Variants in CDK14 observed in about 807,000 individuals in gnomAD.
CDK14 encodes the protein cyclin dependent kinase 14.
In CDK14, 34 loss-of-function variants were observed where a neutral mutation model predicts 60.7. The ratio of observed to expected loss-of-function variants is 0.56; its 90% CI spans 0.43 to 0.75. The LOEUF (loss-of-function observed/expected upper bound fraction) is 0.75. Among genes scored for constraint, CDK14 ranks in the 30% least tolerant of loss-of-function variants. CDK14 has a pLI of 0.00. For synonymous variants in CDK14, 197 were observed against 203.7 expected (o/e 0.97, Z 0.28); for missense variants, 482 against 564.1 (o/e 0.85, Z 1.47).
intron 6 of CDK14, among the ~76,000 whole-genome samples, chr7:90,889,449 G>A (rs1029120198): frequency 1.3e-4 from 20 of 152,252 alleles, no homozygotes; most frequent in South Asian, 4.1e-4. Flanking sequence ...CAGGCTGCCC[G>A]TACATTTTGG....
chr7:90,960,737 G>A (rs1019181), intron 9 of CDK14, among the ~76,000 whole-genome samples: 24,517 of 152,012 alleles, frequency 0.16, 2,109 homozygotes, highest in Middle Eastern at 0.18. Context: ...TCTTTCTTGA[G>A]CCAAGGAAAT....
intron 8 of CDK14, among the ~76,000 whole-genome samples, chr7:90,945,463 T>C (rs932834628): frequency 6.6e-6 from 1 of 152,138 alleles, no homozygotes; most frequent in Non-Finnish European, 1.5e-5. Flanking sequence ...CTAGCAATAG[T>C]GTGGAAAATT....
intron 2 of CDK14, chr7:90,666,454 G>A (rs924276515): frequency 6.6e-6 from 1 of 152,208 alleles, no homozygotes; most frequent in Non-Finnish European, 1.5e-5. Flanking sequence ...TTTCCCGAAT[G>A]AGACATACTA....
rs945299025 is a variant in CDK14 at position 90,709,552 on chromosome 7, A to T, written c.124-17015A>T. On this transcript the variant is annotated intron_variant, in intron 2 of 14. Coordinates refer to ENST00000380050, the MANE Select transcript of CDK14 (RefSeq NM_001287135.2). ...TTGCCTTGACAGCATATGCACGGTT[A>T]CTTTGGCTGCAATGCTGCTGCAGAG... 21 of 1,613,144 alleles carry T rather than the reference A, an allele frequency of 1.3e-5. No individual in the cohort carries two copies. The African/African-American group carries it at 2.8e-4, about 22-fold the overall frequency.
At chr7:91,030,121 CAT>C (rs1170795713) in intron 10 of CDK14, among the ~76,000 whole-genome samples, 2 of 152,128 alleles carry the variant, frequency 1.3e-5, no homozygotes, top group African/African-American at 4.8e-5. Flanking sequence ...ATAGTATACA[CAT>C]ATTAAAATTT....
chr7:90,741,316 G>A (rs1803333855), intron 3 of CDK14, among the ~76,000 whole-genome samples: 2 of 152,192 alleles, frequency 1.3e-5, no homozygotes, highest in African/African-American at 4.8e-5. Context: ...ATGAGTGAGA[G>A]TAGTTGCCTG....
At chr7:90,814,554 AG>A (rs757951026) in intron 5 of CDK14, among the ~76,000 whole-genome samples, 1 of 152,172 alleles carries the variant, frequency 6.6e-6, no homozygotes, top group Non-Finnish European at 1.5e-5. Context: ...AGCCTGAGGC[AG>A]GCAGATCGCT....
intron 4 of CDK14, among the ~76,000 whole-genome samples, chr7:90,751,825 T>C (rs190729246): frequency 1.9e-4 from 29 of 151,912 alleles, no homozygotes; most frequent in African/African-American, 7.0e-4. Context: ...AAGTAAAGGG[T>C]TGGAGAAAGA....
chr7:91,200,078 C>T (rs1802669252), intron 14 of CDK14, among the ~76,000 whole-genome samples: 1 of 152,140 alleles, frequency 6.6e-6, no homozygotes. Flanking sequence ...AACTGGAAAA[C>T]ACTGATTTCA....
chr7:90,800,510 T>TA (rs1788599039), intron 5 of CDK14, among the ~76,000 whole-genome samples: 1 of 152,192 alleles, frequency 6.6e-6, no homozygotes, highest in Non-Finnish European at 1.5e-5. Context: ...GTTTGACTGA[T>TA]ACTTGATTCT....
At chr7:91,078,707 G>T (rs938265975) in intron 11 of CDK14, among the ~76,000 whole-genome samples, 1 of 152,084 alleles carries the variant, frequency 6.6e-6, no homozygotes. Context: ...TGTAAAATCC[G>T]TTCAAAAAAT....
chr7:91,079,037 G>T (rs559818196), intron 11 of CDK14, among the ~76,000 whole-genome samples: 47 of 152,064 alleles, frequency 3.1e-4, no homozygotes, highest in Admixed American at 8.5e-4. Flanking sequence ...TATTGTATTT[G>T]GTCAGAGAAA....
chr7:90,842,168 T>C (rs1337920843), intron 5 of CDK14, among the ~76,000 whole-genome samples: 1 of 152,188 alleles, frequency 6.6e-6, no homozygotes, highest in Non-Finnish European at 1.5e-5. Context: ...TGTTATGTAC[T>C]AGGCAAATTT....
intron 2 of CDK14, among the ~76,000 whole-genome samples, chr7:90,675,341 A>G (rs911605573): frequency 6.6e-6 from 1 of 152,126 alleles, no homozygotes; most frequent in East Asian, 1.9e-4. Flanking sequence ...TTTGCTTTCA[A>G]ACTTCTTAAA....
chr7:90,809,987 C>T (rs562214020), intron 5 of CDK14, among the ~76,000 whole-genome samples: 2 of 152,192 alleles, frequency 1.3e-5, no homozygotes, highest in East Asian at 3.9e-4. Flanking sequence ...AATAGCTTAC[C>T]AACCAAAAAA....
chr7:90,664,606 G>C (rs1800933354), intron 2 of CDK14, among the ~76,000 whole-genome samples: 1 of 152,126 alleles, frequency 6.6e-6, no homozygotes, highest in Non-Finnish European at 1.5e-5. Flanking sequence ...ATACTATGCA[G>C]CCATAAAAAA....
intron 5 of CDK14, among the ~76,000 whole-genome samples, chr7:90,812,692 C>T (rs1209880328): frequency 1.3e-5 from 2 of 152,062 alleles, no homozygotes; most frequent in Non-Finnish European, 2.9e-5. Context: ...TCATAAAGGA[C>T]ATGAAAATTA....
intron 2 of CDK14, among the ~76,000 whole-genome samples, chr7:90,713,045 C>T (rs553409281): frequency 6.6e-6 from 1 of 152,128 alleles, no homozygotes; most frequent in South Asian, 2.1e-4. Context: ...ACCAGAAAAC[C>T]CCAAGTATCC....
At position 90,736,292 on chromosome 7, in the gene CDK14, T is replaced by A. The variant is rs181594437; in HGVS notation, c.369+9480T>A. Among the ~76,000 whole-genome samples, 4 of 150,236 alleles carry A rather than the reference T, an allele frequency of 2.7e-5. No individual in the cohort carries two copies. In the East Asian group the frequency reaches 5.9e-4, roughly 22 times the overall value. ...GGCCATCTTGCCAGCAAATCCTGTCTGCTGCCTTTTTGTTCTCTCCCCTGT... is the reference window on the plus strand; with the variant it reads ...GGCCATCTTGCCAGCAAATCCTGTCAGCTGCCTTTTTGTTCTCTCCCCTGT... On this transcript the variant is annotated intron_variant, in intron 3 of 14. Coordinates refer to ENST00000380050, the MANE Select transcript of CDK14 (RefSeq NM_001287135.2).
Sources: allele counts gnomAD v4.1 joint callset (sites outside exome capture counted in the v4.1 genomes callset), GRCh38; gene constraint gnomAD v4.1.1; transcripts MANE v1.5; gene names NCBI Gene and HGNC (gene_info 2026-07-23, HGNC 2026-07-21).